Variants in ABCC1 observed in about 807,000 individuals in gnomAD.
ABCC1 encodes the protein multidrug resistance-associated protein 1.
A neutral mutation model predicts 172.9 loss-of-function variants in ABCC1; 83 were observed. The observed-to-expected ratio is 0.48, with a 90% CI of 0.40 to 0.58. The LOEUF is 0.58. Among genes scored for constraint, ABCC1 ranks in the 20% least tolerant of loss-of-function variants. The pLI is 0.00. For missense variants in ABCC1, 1,817 were observed against 2,002.7 expected (o/e 0.91, Z 1.77); for synonymous variants, 937 against 825.2 (o/e 1.14, Z -2.32).
At chr16:15,959,367 C>G (rs1419726242) in intron 1 of ABCC1, among the ~76,000 whole-genome samples, 1 of 152,078 alleles carries the variant, frequency 6.6e-6, no homozygotes, top group Non-Finnish European at 1.5e-5. Context: ...CCTCTGTCAC[C>G]CAGGCTGGAG....
chr16:16,074,930 TTC>T (rs1427492572), intron 14 of ABCC1, among the ~76,000 whole-genome samples: 1 of 146,476 alleles, frequency 6.8e-6, no homozygotes, highest in African/African-American at 2.5e-5. Flanking sequence ...AGAGCTGCTT[TTC>T]TGTTTTTTCT....
intron 3 of ABCC1, 109 bp downstream of exon 3, chr16:16,010,010 G>A (rs1413958132): frequency 1.5e-6 from 1 of 647,694 alleles, no homozygotes. Flanking sequence ...ATGATCAGCT[G>A]GAGCTGGGAT....
At chr16:15,990,723 C>T (rs2046841945) in intron 1 of ABCC1, among the ~76,000 whole-genome samples, 1 of 151,896 alleles carries the variant, frequency 6.6e-6, no homozygotes, top group African/African-American at 2.4e-5. Context: ...GATCTCGGCT[C>T]ACTGCAAGCT....
intron 1 of ABCC1, among the ~76,000 whole-genome samples, chr16:15,965,013 A>T (rs1254080588): frequency 6.6e-6 from 1 of 152,144 alleles, no homozygotes; most frequent in Non-Finnish European, 1.5e-5. Flanking sequence ...CCTGTATTGT[A>T]TAAATATTTT....
At position 16,090,597 on chromosome 16, in the gene ABCC1, A is replaced by G. The variant is rs1316374794; in HGVS notation, c.2644+9A>G. Reference sequence around the variant, plus strand: ...GGATGCAGAGGAGAACGGTAGGGGCAGCCCCAGGGTTCCACCCACTCAGGG... The same window carrying G: ...GGATGCAGAGGAGAACGGTAGGGGCGGCCCCAGGGTTCCACCCACTCAGGG... On this transcript the variant is annotated intron_variant, in intron 19 of 30. Transcript: ENST00000399410. 1 of 1,571,376 alleles carries G rather than the reference A, an allele frequency of 6.4e-7. No individual in the cohort carries two copies. Among genetic ancestry groups the G allele is most frequent in the African/African-American group, 1.4e-5 (1 of 73,936 alleles).
intron 5 of ABCC1, among the ~76,000 whole-genome samples, chr16:16,030,917 C>T (rs1436412470): frequency 6.6e-6 from 1 of 151,982 alleles, no homozygotes; most frequent in African/African-American, 2.4e-5. Context: ...GTGGCACGAT[C>T]TCAGCTTACT....
Position 16,045,851 on chromosome 16 carries a change from C to A in ABCC1, c.1056C>A (p.Phe352Leu). The A allele has an allele frequency of 6.2e-7, 1 of 1,614,096 alleles. No individual in the cohort carries two copies. The change falls in exon 9 of 31, where the codon TTC becomes TTA. Residue 352 changes from phenylalanine (F) to leucine (L), a missense_variant. Physicochemically the swap from Phe to Leu is conservative, Grantham distance 22 (BLOSUM62 0). Coordinates refer to ENST00000399410, the MANE Select transcript of ABCC1 (RefSeq NM_004996.4). ...TCCTTTGCAGGTTGCTCATCAAGTT[C>A]GTGAATGACACGAAGGCCCCAGACT... is the stretch of plus-strand genomic sequence containing the variant. ...GPQILKLLIK[F>L]VNDTKAPDWQ...
chr16:16,036,730 C>G (rs1597151421), intron 7 of ABCC1, 127 bp downstream of exon 7: 1 of 957,040 alleles, frequency 1.0e-6, no homozygotes, highest in East Asian at 2.5e-5. Context: ...GGCAAGATGC[C>G]TCACTTCTCC....
chr16:16,087,444 C>A lies in ABCC1; in HGVS notation c.2460+453C>A, dbSNP rs183158559. Among the ~76,000 whole-genome samples the A allele has an allele frequency of 2.5e-3, 377 of 152,002 alleles. 1 individual carries two copies. The highest frequency in any genetic ancestry group is 8.5e-3 in the African/African-American group (352 of 41,494). ...TTGTGGTAATGGGTACACACTGGCTCTTTTTTTTCTCCCCCTGATTTTATT... is the reference window on the plus strand; with the variant it reads ...TTGTGGTAATGGGTACACACTGGCTATTTTTTTTCTCCCCCTGATTTTATT... On this transcript the variant is annotated intron_variant, in intron 18 of 30. Transcript: ENST00000399410.
At chr16:16,124,705 C>G in intron 24 of ABCC1, 84 bp from the exon 25 acceptor site, 1 of 1,582,242 alleles carries the variant, frequency 6.3e-7, no homozygotes, top group Non-Finnish European at 8.6e-7. Context: ...AGCAAAGAAT[C>G]CCCTTCCTCC....
intron 20 of ABCC1, among the ~76,000 whole-genome samples, chr16:16,104,714 C>A (rs1485142155): frequency 6.6e-6 from 1 of 152,160 alleles, no homozygotes; most frequent in Non-Finnish European, 1.5e-5. Context: ...CGCCATGGAG[C>A]AGGGGCGGCA....
At chr16:16,021,035 C>A (rs246214) in intron 5 of ABCC1, among the ~76,000 whole-genome samples, 31 of 152,152 alleles carry the variant, frequency 2.0e-4, no homozygotes, top group Non-Finnish European at 3.4e-4. Flanking sequence ...AGAGGCTTCA[C>A]GTGGCAGTAT....
intron 23 of ABCC1, among the ~76,000 whole-genome samples, chr16:16,121,460 T>A (rs2045153485): frequency 6.6e-6 from 1 of 152,198 alleles, no homozygotes; most frequent in Non-Finnish European, 1.5e-5. Flanking sequence ...TGAGGTCTCG[T>A]TGACCTCAAA....
At chr16:16,007,332 C>G (rs190663563) in intron 1 of ABCC1, among the ~76,000 whole-genome samples, 443 of 152,044 alleles carry the variant, frequency 2.9e-3, no homozygotes, top group Non-Finnish European at 5.1e-3. Context: ...GGCTCAGGCA[C>G]TCCTCCCACT....
intron 18 of ABCC1, among the ~76,000 whole-genome samples, chr16:16,089,753 T>A (rs1410302075): frequency 6.7e-6 from 1 of 150,372 alleles, no homozygotes; most frequent in South Asian, 2.1e-4. Flanking sequence ...GGCGGGCGCA[T>A]GTAATCCCAG....
chr16:16,138,579 G>T (rs761761858), intron 30 of ABCC1, 21 bp downstream of exon 30: 35 of 1,533,402 alleles, frequency 2.3e-5, no homozygotes, highest in Non-Finnish European at 3.1e-5. Flanking sequence ...TGGCACAGTG[G>T]CCTCTAGGCT....
intron 30 of ABCC1, 67 bp from the exon 31 acceptor site, chr16:16,141,106 G>C (rs1281449716): frequency 2.8e-6 from 4 of 1,442,708 alleles, no homozygotes; most frequent in Admixed American, 3.4e-5. Flanking sequence ...GCCCAGGTCA[G>C]TTGTCCCAGG....
chr16:15,973,842 C>T (rs215086), intron 1 of ABCC1, among the ~76,000 whole-genome samples: 96,410 of 151,376 alleles, frequency 0.64, 31,390 homozygotes, highest in South Asian at 0.72. Context: ...AAAATTAGCC[C>T]GGTATGATGG....
At chr16:16,099,963 G>A (rs571270351) in intron 19 of ABCC1, among the ~76,000 whole-genome samples, 7 of 152,272 alleles carry the variant, frequency 4.6e-5, no homozygotes, top group Non-Finnish European at 1.0e-4. Flanking sequence ...GTGCATGCCT[G>A]TAATCCCAGC....
Sources: gnomAD v4.1 joint callset for allele counts (sites outside exome capture counted in the v4.1 genomes callset) on GRCh38, gnomAD v4.1.1 for gene constraint, MANE v1.5 for transcripts, NCBI Gene and HGNC (gene_info 2026-07-23, HGNC 2026-07-21) for gene names.